The following TENM2 variants were observed in gnomAD, a reference collection of about 807,000 sequenced individuals.
The protein encoded by TENM2 is teneurin transmembrane protein 2.
Under a neutral mutation model 245.2 loss-of-function variants are expected in TENM2, and 52 were observed. That is an observed-to-expected ratio of 0.21 (90% CI 0.17 to 0.27). The LOEUF is 0.27. Ranked by LOEUF, TENM2 falls within the 10% of genes least tolerant of loss-of-function variation. The pLI is 1.00. For missense variants in TENM2, 3,046 were observed against 3,666.8 expected (o/e 0.83, Z 4.37); for synonymous variants, 1,363 against 1,438.9 (o/e 0.95, Z 1.19).
At chr5:167,852,703 C>A (rs1770695428) in intron 2 of TENM2, among the ~76,000 whole-genome samples, 1 of 152,122 alleles carries the variant, frequency 6.6e-6, no homozygotes, top group African/African-American at 2.4e-5. Flanking sequence ...CTTCTAGGAA[C>A]CAAATCTGCA....
intron 24 of TENM2, 26 bp from the exon 27 acceptor site, chr5:168,227,869 C>T (rs878954835): frequency 6.8e-7 from 1 of 1,465,886 alleles, no homozygotes; most frequent in Non-Finnish European, 9.4e-7. Context: ...ATTTCCCTAT[C>T]CCCACCCCCA....
chr5:167,959,256 G>A (rs369352448), intron 4 of TENM2, among the ~76,000 whole-genome samples: 12 of 149,584 alleles, frequency 8.0e-5, no homozygotes, highest in Admixed American at 4.0e-4. Context: ...GTGCAGTGGC[G>A]CGATCTCGGC....
the TENM2 span, among the ~76,000 whole-genome samples, chr5:167,088,293 C>T: frequency 2.4e-3 from 369 of 152,198 alleles, no homozygotes; most frequent in Non-Finnish European, 4.4e-3. Context: ...TATGATGATA[C>T]CTGACATGGA....
chr5:167,341,427 A>C (rs906856388), intron 1 of TENM2, among the ~76,000 whole-genome samples: 1 of 152,086 alleles, frequency 6.6e-6, no homozygotes, highest in Non-Finnish European at 1.5e-5. Context: ...GTTTAAACTG[A>C]ATTATCTAGT....
chr5:167,419,850 G>T (rs948545279), intron 2 of TENM2, among the ~76,000 whole-genome samples: 1 of 152,136 alleles, frequency 6.6e-6, no homozygotes, highest in Non-Finnish European at 1.5e-5. Context: ...AGCTTAAAAG[G>T]CAAATTGTAA....
intron 2 of TENM2, among the ~76,000 whole-genome samples, chr5:167,789,601 A>T (rs1764813696): frequency 6.6e-6 from 1 of 152,170 alleles, no homozygotes; most frequent in Non-Finnish European, 1.5e-5. Context: ...ACATAAAGTC[A>T]TTTGGGTTGG....
intron 2 of TENM2, among the ~76,000 whole-genome samples, chr5:167,717,961 G>A (rs1759378377): frequency 1.3e-5 from 2 of 152,150 alleles, no homozygotes; most frequent in South Asian, 4.1e-4. Context: ...TCTCTTTTGA[G>A]ATTTTCACAC....
At chr5:167,226,574 T>G in the TENM2 span, among the ~76,000 whole-genome samples, 5 of 152,008 alleles carry the variant, frequency 3.3e-5, no homozygotes, top group African/African-American at 1.2e-4. Context: ...TTAAAAAAAT[T>G]TGTTGAGGCT....
At chr5:167,972,534 T>C (rs550001104) in intron 4 of TENM2, among the ~76,000 whole-genome samples, 1 of 152,240 alleles carries the variant, frequency 6.6e-6, no homozygotes, top group Non-Finnish European at 1.5e-5. Flanking sequence ...CTTGTGTATA[T>C]ATCTTTCTTT....
At chr5:167,167,294 T>C in the TENM2 span, among the ~76,000 whole-genome samples, 4 of 152,304 alleles carry the variant, frequency 2.6e-5, no homozygotes, top group Admixed American at 2.6e-4. Flanking sequence ...AACTCTACAA[T>C]GTATGTGACT....
intron 3 of TENM2, among the ~76,000 whole-genome samples, chr5:167,944,207 C>A (rs1779414767): frequency 6.6e-6 from 1 of 152,150 alleles, no homozygotes; most frequent in African/African-American, 2.4e-5. Context: ...AAGCTCTTAA[C>A]CCAAGGGCAG....
At chr5:167,990,796 C>T (rs914994767) in intron 4 of TENM2, among the ~76,000 whole-genome samples, 3 of 152,188 alleles carry the variant, frequency 2.0e-5, no homozygotes, top group African/African-American at 7.2e-5. Flanking sequence ...GATTGTCAGT[C>T]ATATTGGGTT....
chr5:168,261,346 C>T (rs1347792637), intron 28 of TENM2, among the ~76,000 whole-genome samples: 1 of 152,122 alleles, frequency 6.6e-6, no homozygotes, highest in Non-Finnish European at 1.5e-5. Context: ...GGGGATATTC[C>T]CTCTGGCCCT....
chr5:167,507,286 C>A (rs1291433743), intron 2 of TENM2, among the ~76,000 whole-genome samples: 1 of 152,136 alleles, frequency 6.6e-6, no homozygotes, highest in Non-Finnish European at 1.5e-5. Context: ...GGAAGCATCT[C>A]ATTAGCCGTG....
chr5:166,987,582 G>A, the TENM2 span, among the ~76,000 whole-genome samples: 1 of 151,930 alleles, frequency 6.6e-6, no homozygotes, highest in East Asian at 1.9e-4. Context: ...TAAGTAAAGG[G>A]TAAAGCCAGA....
intron 2 of TENM2, among the ~76,000 whole-genome samples, chr5:167,541,449 G>C (rs1772207752): frequency 6.6e-6 from 1 of 152,086 alleles, no homozygotes; most frequent in Non-Finnish European, 1.5e-5. Flanking sequence ...TGAGAGAGAG[G>C]TTTGGAGTAA....
chr5:168,204,305 A>C, intron 18 of TENM2, 67 bp from the exon 21 acceptor site: 1 of 1,523,654 alleles, frequency 6.6e-7, no homozygotes, highest in Non-Finnish European at 8.9e-7. Flanking sequence ...CCTCCCTCCC[A>C]GTTGGCCAAT....
intron 3 of TENM2, among the ~76,000 whole-genome samples, chr5:167,945,134 C>G (rs1487792177): frequency 1.3e-5 from 2 of 152,172 alleles, no homozygotes; most frequent in African/African-American, 4.8e-5. Context: ...TTCATTCATT[C>G]ATTCATCACC....
intron 4 of TENM2, among the ~76,000 whole-genome samples, chr5:167,961,261 C>A (rs1425464686): frequency 6.6e-6 from 1 of 152,188 alleles, no homozygotes; most frequent in Non-Finnish European, 1.5e-5. Context: ...GATATTTAAA[C>A]TTCTGCCCTG....
Sources: allele counts gnomAD v4.1 joint callset (sites outside exome capture counted in the v4.1 genomes callset), GRCh38; gene constraint gnomAD v4.1.1; transcripts MANE v1.5; gene names NCBI Gene and HGNC (gene_info 2026-07-23, HGNC 2026-07-21).